The following ERBB4 variants were observed in gnomAD, a reference collection of about 807,000 sequenced individuals.
The protein encoded by ERBB4 is receptor tyrosine-protein kinase erbB-4.
In ERBB4, 42 loss-of-function variants were observed where a neutral mutation model predicts 158.0. The observed-to-expected ratio is 0.27, with a 90% confidence interval of 0.21 to 0.34. ERBB4 has a LOEUF of 0.34. ERBB4 is among the 10% of genes least tolerant of loss of function. ERBB4 has a pLI of 1.00. For missense variants in ERBB4, 1,333 were observed against 1,624.1 expected (o/e 0.82, Z 3.08); for synonymous variants, 583 against 558.7 (o/e 1.04, Z -0.61).
chr2:211,411,079 T>C (rs2063249399), intron 25 of ERBB4, among the ~76,000 whole-genome samples: 1 of 152,188 alleles, frequency 6.6e-6, no homozygotes, highest in Non-Finnish European at 1.5e-5. Context: ...CAGGTAATTT[T>C]TGTACTTTTA....
At chr2:211,645,924 T>TAC (rs971703688) in intron 16 of ERBB4, among the ~76,000 whole-genome samples, 24 of 151,750 alleles carry the variant, frequency 1.6e-4, no homozygotes, top group African/African-American at 5.5e-4. Context: ...TAATGCCAGA[T>TAC]ACACACACAT....
intron 3 of ERBB4, among the ~76,000 whole-genome samples, chr2:211,915,438 C>CATATATATATAT (rs78546007): frequency 6.1e-5 from 9 of 147,534 alleles, no homozygotes; most frequent in African/African-American, 2.0e-4. Context: ...TCAAACATTA[C>CATATATATATAT]ATATATATAT....
rs190047389 is a variant in ERBB4, at chr2:212,204,759, C to A, written c.83-79856G>T. Among the ~76,000 whole-genome samples the A allele has an allele frequency of 5.7e-4, 84 of 148,016 alleles. 1 individual carries two copies. Among genetic ancestry groups the A allele is most frequent in the Non-Finnish European group, 3.0e-5 (2 of 67,188 alleles). ...TGTCTTCCAGAAATAAGATTAACAT[C>A]AAGTTGGAACACAGTTCTAAATCTT... is the stretch of plus-strand genomic sequence containing the variant. On this transcript the variant is annotated intron_variant, in intron 1 of 27. Transcript: ENST00000342788.
chr2:212,402,209 C>G (rs889845075), intron 1 of ERBB4, among the ~76,000 whole-genome samples: 8 of 152,140 alleles, frequency 5.3e-5, no homozygotes, highest in African/African-American at 1.9e-4. Flanking sequence ...CACATATAAC[C>G]TGGAATGAAA....
At chr2:211,645,762 C>T (rs946239490) in intron 16 of ERBB4, among the ~76,000 whole-genome samples, 1 of 151,632 alleles carries the variant, frequency 6.6e-6, no homozygotes, top group Non-Finnish European at 1.5e-5. Flanking sequence ...TATAATGACA[C>T]TATAATTCAA....
chr2:211,529,721 A>AT (rs1471601985), intron 20 of ERBB4, among the ~76,000 whole-genome samples: 1 of 152,170 alleles, frequency 6.6e-6, no homozygotes, highest in Non-Finnish European at 1.5e-5. Flanking sequence ...GTGATACATC[A>AT]TATCAACAGA....
chr2:211,398,683 A>T (rs6728196), intron 25 of ERBB4, among the ~76,000 whole-genome samples: 101,648 of 152,006 alleles, frequency 0.67, 34,775 homozygotes, highest in African/African-American at 0.81. Flanking sequence ...ATACAAAAAT[A>T]AGCCAGATGT....
chr2:212,126,701 C>G (rs1255292302), intron 1 of ERBB4, among the ~76,000 whole-genome samples: 2 of 151,986 alleles, frequency 1.3e-5, no homozygotes, highest in East Asian at 1.9e-4. Flanking sequence ...GTGGAGACTG[C>G]AAACATACTA....
intron 1 of ERBB4, among the ~76,000 whole-genome samples, chr2:212,435,532 C>A (rs2092118972): frequency 6.6e-6 from 1 of 151,856 alleles, no homozygotes; most frequent in African/African-American, 2.4e-5. Flanking sequence ...AAGAAACTAA[C>A]ATACATTCTT....
intron 6 of ERBB4, among the ~76,000 whole-genome samples, chr2:211,723,623 C>T (rs1279593820): frequency 6.6e-6 from 1 of 152,118 alleles, no homozygotes; most frequent in Non-Finnish European, 1.5e-5. Flanking sequence ...ACACATTATT[C>T]ACTAAGATGA....
chr2:211,427,472 A>C (rs2063654866), intron 22 of ERBB4, among the ~76,000 whole-genome samples: 2 of 152,150 alleles, frequency 1.3e-5, no homozygotes, highest in Admixed American at 1.3e-4. Flanking sequence ...TTAACAATTA[A>C]GTTAAACACA....
intron 1 of ERBB4, among the ~76,000 whole-genome samples, chr2:212,264,099 T>G (rs193205476): frequency 4.7e-4 from 71 of 152,270 alleles, no homozygotes; most frequent in Non-Finnish European, 9.1e-4. Flanking sequence ...TTATATCAAC[T>G]ACAATGTGGA....
At chr2:211,775,222 C>T (rs760227563) in intron 4 of ERBB4, among the ~76,000 whole-genome samples, 5 of 152,182 alleles carry the variant, frequency 3.3e-5, no homozygotes, top group Non-Finnish European at 7.3e-5. Flanking sequence ...AATCTTCCCA[C>T]TATTTTGCCA....
chr2:212,031,571 C>T (rs541706557), intron 2 of ERBB4, among the ~76,000 whole-genome samples: 19 of 152,130 alleles, frequency 1.2e-4, no homozygotes, highest in East Asian at 1.2e-3. Flanking sequence ...AATCACACTA[C>T]GTGATTCTCT....
At chr2:212,276,092 T>G (rs148738128) in intron 1 of ERBB4, among the ~76,000 whole-genome samples, 64 of 151,912 alleles carry the variant, frequency 4.2e-4, no homozygotes, top group African/African-American at 1.5e-3. Context: ...AGGGTCCATA[T>G]AGTTAATGAA....
At chr2:212,364,635 G>C (rs1301834608) in intron 1 of ERBB4, among the ~76,000 whole-genome samples, 1 of 151,678 alleles carries the variant, frequency 6.6e-6, no homozygotes, top group African/African-American at 2.4e-5. Flanking sequence ...TCAGGAGAGG[G>C]CAAAAAAGTT....
intron 20 of ERBB4, among the ~76,000 whole-genome samples, chr2:211,488,171 G>C (rs907994979): frequency 6.6e-6 from 1 of 151,990 alleles, no homozygotes; most frequent in African/African-American, 2.4e-5. Context: ...CAATGTGATT[G>C]TTCCTTCCCC....
intron 1 of ERBB4, among the ~76,000 whole-genome samples, chr2:212,514,353 T>A (rs1691703271): frequency 6.6e-6 from 1 of 152,206 alleles, no homozygotes; most frequent in East Asian, 1.9e-4. Context: ...ACAAGGTACT[T>A]AAAAGTAATG....
intron 3 of ERBB4, among the ~76,000 whole-genome samples, chr2:211,945,329 A>T (rs1257959491): frequency 2.0e-5 from 3 of 152,122 alleles, no homozygotes; most frequent in African/African-American, 7.2e-5. Flanking sequence ...CCTAAAGTTC[A>T]ATGACCCTAG....
Sources: gnomAD v4.1 joint callset for allele counts (sites outside exome capture counted in the v4.1 genomes callset) on GRCh38, gnomAD v4.1.1 for gene constraint, MANE v1.5 for transcripts, NCBI Gene and HGNC (gene_info 2026-07-23, HGNC 2026-07-21) for gene names.